Variants in TMEM74B observed in about 807,000 individuals in gnomAD.
TMEM74B encodes the protein transmembrane protein 74B, also known as transmembrane protein C20orf46.
In TMEM74B, 7 loss-of-function variants were observed where a neutral mutation model predicts 6.5. The observed-to-expected ratio is 1.07, with a 90% CI of 0.61 to 2.01. The LOEUF is 2.01. Ranked by LOEUF, TMEM74B falls within the 30% of genes most tolerant of loss-of-function variation. The pLI, the probability that TMEM74B is intolerant of heterozygous loss-of-function variation, is 0.00. For missense variants in TMEM74B, 342 were observed against 337.0 expected, an observed-to-expected ratio of 1.01 and a Z score of -0.12; for synonymous variants, 151 against 151.6, an observed-to-expected ratio of 1.00 and a Z score of 0.03.
chr20:1,181,118 G>A lies in TMEM74B; in HGVS notation c.501C>T (p.Ala167=), dbSNP rs183288384. ...ACCTGTCCAGGTGGGAGCCTAGGCG[G>A]GCGTAGTACATCTCCAGTCGTTCCA... ...REMERLEMYY[A]RLGSHLDRCI... is the part of the protein sequence containing the mutation. The change falls in exon 3 of 3, where the codon GCC becomes GCT. Residue 167 remains alanine (A), a synonymous_variant. Coordinates refer to ENST00000429036, the MANE Select transcript of TMEM74B (RefSeq NM_001304748.2). This position sits in a 1 kb window ranked among gnomAD's most constrained non-coding sequence, Gnocchi z 4.9. The A allele has an allele frequency of 2.5e-6, 4 of 1,614,070 alleles. No homozygotes were observed. The highest frequency in any genetic ancestry group is 3.4e-6 in the Non-Finnish European group (4 of 1,180,014).
intron 2 of TMEM74B, among the ~76,000 whole-genome samples, chr20:1,183,292 G>C (rs6040363): frequency 0.038 from 3,768 of 100,222 alleles, 151 homozygotes; most frequent in African/African-American, 0.11. Context: ...TTCGTTCTCT[G>C]TGTGTGTGTG....
upstream of TMEM74B, among the ~76,000 whole-genome samples, chr20:1,188,314 A>G (rs1472852605): frequency 1.3e-5 from 2 of 152,038 alleles, no homozygotes; most frequent in Non-Finnish European, 2.9e-5. Flanking sequence ...AAAAGGATCC[A>G]AGGCTCCTTG....
In TMEM74B at chr20:1,181,725, CAG is replaced by C. The variant is rs1331071779; in HGVS notation, c.32-140_32-139del. 2 of 984,272 alleles carry C rather than the reference CAG, an allele frequency of 2.0e-6. No homozygotes were observed. Among genetic ancestry groups the C allele is most frequent in the Non-Finnish European group, 2.7e-6 (2 of 736,270 alleles). 61.0% of individuals were successfully genotyped at this position (984,272 alleles called of 1,614,324 possible). On this transcript the variant is annotated intron_variant, in intron 2 of 2. Transcript: ENST00000429036. The surrounding 1 kb of genome is among the most constrained non-coding windows in gnomAD (Gnocchi z 4.9). ...GGTGTCTGCCAGACAGAGGGGAAGA[CAG>C]GGAATAAGACGATGACAGAACAGTG...
upstream of TMEM74B, among the ~76,000 whole-genome samples, chr20:1,186,852 C>A (rs2087028575): frequency 6.6e-6 from 1 of 152,132 alleles, no homozygotes. Context: ...CAAAGGGATG[C>A]TAGCCCTGGC....
chr20:1,183,899 A>G lies in TMEM74B; in HGVS notation c.-98T>C, dbSNP rs907786130. 36 of 1,428,590 alleles carry G rather than the reference A, an allele frequency of 2.5e-5. No homozygotes were observed. The highest frequency in any genetic ancestry group is 3.5e-5 in the Non-Finnish European group (36 of 1,030,672). 88.5% of individuals were successfully genotyped at this position (1,428,590 alleles called of 1,614,324 possible). ...AACCGTGAGCACCTTGAGAGCAGGC[A>G]TAAGTTTGAATTCCATCTGGGTCCC... On this transcript the variant is annotated 5_prime_UTR_variant, in exon 2 of 3. The change abolishes an upstream ATG in the 5' untranslated region. Coordinates refer to ENST00000429036, the MANE Select transcript of TMEM74B (RefSeq NM_001304748.2).
chr20:1,185,402 G>T (rs2086997433), upstream of TMEM74B: 1 of 151,436 alleles, frequency 6.6e-6, no homozygotes, highest in Non-Finnish European at 1.5e-5. Flanking sequence ...TACTCGCGCC[G>T]CGCGGAGCTG....
Position 1,181,159 on chromosome 20 carries a change from C to T in TMEM74B, c.460G>A (p.Val154Met). 3.7e-6 allele frequency: 6 copies of T among 1,614,208 alleles called. No homozygotes were observed. Among genetic ancestry groups the T allele is most frequent in the Admixed American group, 1.7e-5 (1 of 60,030 alleles). Residue 154 changes from valine to methionine, a missense_variant, in exon 3 of 3, where the codon GTG becomes ATG. Physicochemically the swap from Val to Met is conservative, Grantham distance 21 (BLOSUM62 1). Transcript: ENST00000429036. This position sits in a 1 kb window ranked among gnomAD's most constrained non-coding sequence, Gnocchi z 4.9. ...PREARVNPDT[V>M]TAREMERLEM... ...AGTCGTTCCATCTCCCGCGCTGTCA[C>T]TGTGTCCGGATTGACTCGAGCCTCA...
upstream of TMEM74B, chr20:1,185,279 T>G (rs2086992410): frequency 6.6e-6 from 1 of 151,104 alleles, no homozygotes; most frequent in African/African-American, 2.4e-5. Flanking sequence ...TGCGGGGGTC[T>G]CTCTCCTGCG....
upstream of TMEM74B, chr20:1,185,498 C>G (rs571811628): frequency 6.6e-6 from 1 of 150,994 alleles, no homozygotes; most frequent in South Asian, 2.1e-4. Context: ...CGGGGCTCGC[C>G]GAGCGCCGCG....
chr20:1,183,993 G>T, intron 1 of TMEM74B, 45 bp from the exon 2 acceptor site: 1 of 598,698 alleles, frequency 1.7e-6, no homozygotes, highest in Non-Finnish European at 2.9e-6. Context: ...TTGTTGGTTG[G>T]CTTTTTACTC....
intron 2 of TMEM74B, among the ~76,000 whole-genome samples, chr20:1,183,383 A>G (rs1413904203): frequency 6.6e-6 from 1 of 152,136 alleles, no homozygotes; most frequent in African/African-American, 2.4e-5. Context: ...TGAATGAATG[A>G]AACTCAAAGA....
At chr20:1,182,239 G>A (rs907299011) in intron 2 of TMEM74B, among the ~76,000 whole-genome samples, 1 of 152,142 alleles carries the variant, frequency 6.6e-6, no homozygotes, top group Non-Finnish European at 1.5e-5. Flanking sequence ...AAGAGGAAGG[G>A]AAGTTTCTGG....
chr20:1,182,368 C>T (rs1487559260), intron 2 of TMEM74B, among the ~76,000 whole-genome samples: 1 of 151,878 alleles, frequency 6.6e-6, no homozygotes, highest in Non-Finnish European at 1.5e-5. Context: ...CTGGGGCCGG[C>T]TCACAGAGGA....
Position 1,180,982 on chromosome 20 carries a change from C to A in TMEM74B, c.637G>T (p.Gly213Cys). Residue 213 changes from glycine (G) to cysteine (C), a missense_variant, in exon 3 of 3, where the codon GGC (glycine) becomes TGC (cysteine). Transcript: ENST00000429036. The surrounding 1 kb of genome is among the most constrained non-coding windows in gnomAD (Gnocchi z 6.1). ...ELYRRRTFVP[G>C]KGSRKTYGSI... ...CCGTAGGTCTTCCTGGAGCCCTTGCCGGGGACGAAGGTCCTCCGGCGGTAC... is the reference window on the plus strand; with the variant it reads ...CCGTAGGTCTTCCTGGAGCCCTTGCAGGGGACGAAGGTCCTCCGGCGGTAC... 1 of 1,614,108 alleles carries A rather than the reference C, an allele frequency of 6.2e-7. No homozygotes were observed. The highest frequency in any genetic ancestry group is 8.5e-7 in the Non-Finnish European group (1 of 1,180,012).
In TMEM74B at chr20:1,180,719, C is replaced by T. The variant is rs989516911; in HGVS notation, c.*129G>A. ...CGAGCTCTCCCTCCAGCACCCAGTA[C>T]TTCTTCCACAAGGCCCTATGTGAGC... is the stretch of plus-strand genomic sequence containing the variant. On this transcript the variant is annotated 3_prime_UTR_variant, in exon 3 of 3. Coordinates refer to ENST00000429036, the MANE Select transcript of TMEM74B (RefSeq NM_001304748.2). This position sits in a 1 kb window ranked among gnomAD's most constrained non-coding sequence, Gnocchi z 6.1. 2 of 1,348,194 alleles carry T rather than the reference C, an allele frequency of 1.5e-6. No individual in the cohort carries two copies. Among genetic ancestry groups the T allele is most frequent in the Admixed American group, 2.6e-5 (1 of 37,918 alleles). 83.5% of individuals were successfully genotyped at this position (1,348,194 alleles called of 1,614,324 possible).
At chr20:1,182,534 C>T (rs1261939582) in intron 2 of TMEM74B, among the ~76,000 whole-genome samples, 2 of 151,976 alleles carry the variant, frequency 1.3e-5, no homozygotes, top group Non-Finnish European at 2.9e-5. Flanking sequence ...TTGGGGATGG[C>T]ATGGCTAAAA....
chr20:1,185,724 C>G (rs2087007574), upstream of TMEM74B, among the ~76,000 whole-genome samples: 1 of 152,098 alleles, frequency 6.6e-6, no homozygotes, highest in African/African-American at 2.4e-5. Context: ...GCGGGGGCTG[C>G]TGAAGAAGAT....
chr20:1,183,810 C>T lies in TMEM74B; in HGVS notation c.-9G>A. On this transcript the variant is annotated 5_prime_UTR_variant, in exon 2 of 3. The change creates a premature stop within an existing upstream ORF in the 5' untranslated region. Coordinates refer to ENST00000429036, the MANE Select transcript of TMEM74B (RefSeq NM_001304748.2). Reference sequence around the variant, plus strand: ...CCCTGTGCTGGTGGCATCACTCCACCAGCCTTCCCTGGCTCTGCATCCCTC... The same window carrying T: ...CCCTGTGCTGGTGGCATCACTCCACTAGCCTTCCCTGGCTCTGCATCCCTC... 1 of 1,613,922 alleles carries T rather than the reference C, an allele frequency of 6.2e-7. No homozygotes were observed. The highest frequency in any genetic ancestry group is 8.5e-7 in the Non-Finnish European group (1 of 1,179,990).
chr20:1,183,716 G>A (rs1179015921), intron 2 of TMEM74B, 55 bp downstream of exon 2: 13 of 1,599,126 alleles, frequency 8.1e-6, no homozygotes, highest in Admixed American at 1.7e-5. Flanking sequence ...TGTATGGGAG[G>A]GTGGAGGACA....
Sources: allele counts gnomAD v4.1 joint callset (sites outside exome capture counted in the v4.1 genomes callset), GRCh38; gene constraint gnomAD v4.1.1; non-coding constraint Gnocchi (gnomAD v3.1); transcripts MANE v1.5; gene names NCBI Gene and HGNC (gene_info 2026-07-23, HGNC 2026-07-21).